The following DNAAF1 variants were observed in gnomAD, a reference collection of about 807,000 sequenced individuals.
DNAAF1 encodes the protein dynein axonemal assembly factor 1, also known as dynein assembly factor 1, axonemal.
In DNAAF1, 65 loss-of-function variants were observed where a neutral mutation model predicts 71.1. The observed-to-expected ratio is 0.91, with a 90% CI of 0.75 to 1.12. The LOEUF (loss-of-function observed/expected upper bound fraction) is 1.12, where lower values mean the gene tolerates loss of function less well. Among genes scored for constraint, DNAAF1 ranks in the 50% most tolerant of loss-of-function variants. The pLI is 0.00. For synonymous variants in DNAAF1, 414 were observed against 354.6 expected (o/e 1.17, Z -1.88); for missense variants, 1,178 against 899.8 (o/e 1.31, Z -3.96).
In DNAAF1 at chr16:84,164,574, A is replaced by T. The variant is rs148893986; in HGVS notation, c.864-1209A>T. Among the ~76,000 whole-genome samples, 12 of 152,252 alleles carry T rather than the reference A, an allele frequency of 7.9e-5. No homozygotes were observed. In the East Asian group the frequency reaches 2.3e-3, roughly 29 times the overall value. ...TTAGCAAGGAAGTTAGGCTTCTTCCATGACTTTGTGTGGCTTGACAGCTTG... is the reference window on the plus strand; with the variant it reads ...TTAGCAAGGAAGTTAGGCTTCTTCCTTGACTTTGTGTGGCTTGACAGCTTG... On this transcript the variant is annotated intron_variant, in intron 6 of 11. Coordinates refer to ENST00000378553, the MANE Select transcript of DNAAF1 (RefSeq NM_178452.6).
chr16:84,160,102 C>G (rs1178593329), intron 6 of DNAAF1, among the ~76,000 whole-genome samples: 1 of 151,874 alleles, frequency 6.6e-6, no homozygotes, highest in East Asian at 1.9e-4. Context: ...TTTGTAAAAA[C>G]CCTTACAAAT....
intron 8 of DNAAF1, 30 bp from the exon 9 acceptor site, chr16:84,172,230 C>T (rs2088397079): frequency 1.2e-6 from 2 of 1,607,976 alleles, no homozygotes; most frequent in African/African-American, 1.3e-5. Flanking sequence ...GTGTGTTAAA[C>T]TAACTCCAAG....
intron 3 of DNAAF1, among the ~76,000 whole-genome samples, chr16:84,150,802 C>T (rs533415614): frequency 8.6e-5 from 13 of 152,002 alleles, no homozygotes; most frequent in Admixed American, 3.3e-4. Flanking sequence ...TTAGTAAAGG[C>T]GGGGTTTCGC....
At chr16:84,174,596 C>A in intron 9 of DNAAF1, 73 bp from the exon 10 acceptor site, 10 of 1,613,422 alleles carry the variant, frequency 6.2e-6, no homozygotes, top group Non-Finnish European at 8.5e-6. Context: ...GCGTGTTTGC[C>A]TTTATCGTGC....
chr16:84,155,558 G>T, intron 4 of DNAAF1, 25 bp from the exon 5 acceptor site: 1 of 1,613,550 alleles, frequency 6.2e-7, no homozygotes, highest in South Asian at 1.1e-5. Flanking sequence ...CTTTGTTTTT[G>T]ACTTCTGCTG....
chr16:84,166,401 G>C (rs2088001578), intron 7 of DNAAF1, among the ~76,000 whole-genome samples: 3 of 135,464 alleles, frequency 2.2e-5, no homozygotes, highest in Admixed American at 7.8e-5. Flanking sequence ...GGTTGGGACA[G>C]GATCTTACTC....
chr16:84,149,827 C>A (rs2087099819), intron 2 of DNAAF1, among the ~76,000 whole-genome samples: 1 of 151,804 alleles, frequency 6.6e-6, no homozygotes. Flanking sequence ...GAGTTCAAGA[C>A]CAGCCTGACC....
chr16:84,169,140 G>A (rs938553790), intron 7 of DNAAF1, among the ~76,000 whole-genome samples: 2 of 138,826 alleles, frequency 1.4e-5, no homozygotes, highest in African/African-American at 2.7e-5. Flanking sequence ...ACTACAATGC[G>A]GTGACTCACT....
intron 9 of DNAAF1, chr16:84,174,387 T>C: frequency 1.2e-5 from 16 of 1,330,992 alleles, no homozygotes; most frequent in Non-Finnish European, 1.4e-5. Context: ...ACTGGCTGTG[T>C]CTCTTAATAA....
intron 6 of DNAAF1, chr16:84,162,122 T>C (rs16962887): frequency 0.11 from 16,474 of 152,296 alleles, 961 homozygotes; most frequent in South Asian, 0.28. Context: ...GTGGTCTTTC[T>C]CTGCTATAGT....
rs1182180392 is a variant in DNAAF1, at chr16:84,155,695, C to A, written c.687C>A (p.His229Gln). 1 of 1,614,146 alleles carries A rather than the reference C, an allele frequency of 6.2e-7. No individual in the cohort carries two copies. ...CLRLCVLDLS[H>Q]NKLSDPEILS... is the part of the protein sequence containing the mutation. ...GGCTTTGTGTCCTTGACCTTTCGCA[C>A]AACAAGCTGAGTGACCCGGAGATCC... Residue 229 changes from histidine to glutamine, a missense_variant, in exon 5 of 12, where the codon CAC (histidine) becomes CAA (glutamine). His to Gln is a conservative substitution (Grantham distance 24). Transcript: ENST00000378553.
Position 84,148,134 on chromosome 16 carries a change from G to A in DNAAF1, c.125-873G>A, listed in dbSNP as rs114874143. ...CCTTTTCTCCCCTGTACCCCACCCC[G>A]TTTCTAATCCCATTCCTTTCCTCCC... On this transcript the variant is annotated intron_variant, in intron 1 of 11. Coordinates refer to ENST00000378553, the MANE Select transcript of DNAAF1 (RefSeq NM_178452.6). Among the ~76,000 whole-genome samples the A allele has an allele frequency of 6.9e-3, 1,042 of 151,668 alleles. 9 individuals carry two copies. The highest frequency in any genetic ancestry group is 0.023 in the African/African-American group (970 of 41,378).
intron 6 of DNAAF1, among the ~76,000 whole-genome samples, chr16:84,160,585 C>A (rs1000275327): frequency 6.6e-6 from 1 of 152,088 alleles, no homozygotes; most frequent in African/African-American, 2.4e-5. Context: ...TTTTTAAACT[C>A]ACAAATTTAA....
intron 5 of DNAAF1, among the ~76,000 whole-genome samples, chr16:84,158,172 T>C (rs2087532479): frequency 6.6e-6 from 1 of 151,710 alleles, no homozygotes; most frequent in South Asian, 2.1e-4. Context: ...GCCACTACAC[T>C]CCAGCCTGGG....
rs1432326898 is a variant in DNAAF1, at chr16:84,145,353, C to T, written c.-88C>T. 1.3e-6 allele frequency: 2 copies of T among 1,537,122 alleles called. No individual in the cohort carries two copies. The highest frequency in any genetic ancestry group is 1.7e-6 in the Non-Finnish European group (2 of 1,143,608). On this transcript the variant is annotated 5_prime_UTR_variant, in exon 1 of 12. Transcript: ENST00000378553. ...GGCTGGCGAAGAAGGAAAGAGGGTA[C>T]TCTCTGGCTGGGCTGGGGCCGTAGC...
rs566989260 is a variant in DNAAF1, at chr16:84,146,756, A to G, written c.124+1192A>G. Among the ~76,000 whole-genome samples, 5 of 151,926 alleles carry G rather than the reference A, an allele frequency of 3.3e-5. No individual in the cohort carries two copies. The East Asian group carries it at 9.6e-4, about 29-fold the overall frequency. On this transcript the variant is annotated intron_variant, in intron 1 of 11. Coordinates refer to ENST00000378553, the MANE Select transcript of DNAAF1 (RefSeq NM_178452.6). ...CAAGACTCCGTCTCAAAAAAAAAAA[A>G]GGAAAGAAGGAAGCCTGGCTTCAGC... is the stretch of plus-strand genomic sequence containing the variant.
chr16:84,176,566 T>TC (rs939361041), intron 11 of DNAAF1: 7 of 560,470 alleles, frequency 1.2e-5, no homozygotes, highest in Non-Finnish European at 1.9e-5. Flanking sequence ...GGGGTCACAA[T>TC]CCCCCTGTGG....
intron 8 of DNAAF1, among the ~76,000 whole-genome samples, chr16:84,170,929 TATA>T (rs1378303450): frequency 2.6e-5 from 4 of 152,100 alleles, no homozygotes; most frequent in Non-Finnish European, 4.4e-5. Flanking sequence ...ATATAAAAAA[TATA>T]ATCATGTTAA....
At chr16:84,149,811 C>G (rs149893157) in intron 2 of DNAAF1, among the ~76,000 whole-genome samples, 3,384 of 151,370 alleles carry the variant, frequency 0.022, 132 homozygotes, top group African/African-American at 0.073. Context: ...GATCACCTGA[C>G]GTCAGGAGTT....
Sources: allele counts gnomAD v4.1 joint callset (sites outside exome capture counted in the v4.1 genomes callset), GRCh38; gene constraint gnomAD v4.1.1; transcripts MANE v1.5; gene names NCBI Gene and HGNC (gene_info 2026-07-23, HGNC 2026-07-21).